Variants in RSRC1 observed in about 807,000 individuals in gnomAD.
RSRC1 encodes the protein arginine and serine rich coiled-coil 1, also known as serine/Arginine-related protein 53.
Under a neutral mutation model 49.1 loss-of-function variants are expected in RSRC1, and 39 were observed. That is an observed-to-expected ratio of 0.79 (90% CI 0.61 to 1.04). The LOEUF (loss-of-function observed/expected upper bound fraction) is 1.04. Among genes scored for constraint, RSRC1 ranks in the 50% least tolerant of loss-of-function variants. The pLI is 0.00. For synonymous variants in RSRC1, 143 were observed against 130.8 expected (o/e 1.09, Z -0.63); for missense variants, 388 against 402.4 (o/e 0.96, Z 0.31).
chr3:158,375,793 A>G (rs971769641), intron 6 of RSRC1, among the ~76,000 whole-genome samples: 1 of 152,208 alleles, frequency 6.6e-6, no homozygotes, highest in Non-Finnish European at 1.5e-5. Context: ...AAATAATTTT[A>G]TGGCATTTAA....
chr3:158,358,671 A>G (rs188919042), intron 6 of RSRC1, among the ~76,000 whole-genome samples: 1 of 152,152 alleles, frequency 6.6e-6, no homozygotes, highest in Non-Finnish European at 1.5e-5. Context: ...GTACATTCAC[A>G]GTTTTGTACA....
chr3:158,245,393 T>C (rs1270348511), intron 4 of RSRC1, among the ~76,000 whole-genome samples: 5 of 152,132 alleles, frequency 3.3e-5, no homozygotes, highest in African/African-American at 9.7e-5. Flanking sequence ...GAGACTGTTA[T>C]GATTTCAGTT....
intron 4 of RSRC1, among the ~76,000 whole-genome samples, chr3:158,289,620 C>A (rs556991817): frequency 1.3e-5 from 2 of 152,162 alleles, no homozygotes; most frequent in East Asian, 3.9e-4. Context: ...ACTATAGTAA[C>A]ATAAGAATAT....
rs2107977699 is a variant in RSRC1, at chr3:158,234,727, A to T, written c.494+31482A>T. 2.0e-5 allele frequency among the ~76,000 whole-genome samples: 3 copies of T among 152,238 alleles called. No individual in the cohort carries two copies. The South Asian group carries it at 6.2e-4, about 32-fold the overall frequency. On this transcript the variant is annotated intron_variant, in intron 4 of 9. Transcript: ENST00000611884. ...CACTTAAATATTTTGGTCTTTGTATATATTCTTCGAACTGAAATAATCATG... is the reference window on the plus strand; with the variant it reads ...CACTTAAATATTTTGGTCTTTGTATTTATTCTTCGAACTGAAATAATCATG...
chr3:158,348,309 A>G (rs867736718), intron 5 of RSRC1, among the ~76,000 whole-genome samples: 1 of 152,224 alleles, frequency 6.6e-6, no homozygotes, highest in Non-Finnish European at 1.5e-5. Context: ...ATAGTTTAGT[A>G]TGTAAACTAG....
At chr3:158,283,153 G>A (rs995176507) in intron 4 of RSRC1, among the ~76,000 whole-genome samples, 1 of 152,104 alleles carries the variant, frequency 6.6e-6, no homozygotes, top group Non-Finnish European at 1.5e-5. Context: ...GAAAAAAAAT[G>A]TAGACAAGGT....
At chr3:158,122,826 G>A (rs765607917) in intron 2 of RSRC1, among the ~76,000 whole-genome samples, 3 of 151,914 alleles carry the variant, frequency 2.0e-5, no homozygotes, top group African/African-American at 4.8e-5. Flanking sequence ...GAGAACATGC[G>A]GTGTTTGGTT....
chr3:158,407,835 A>G (rs1734233615), intron 6 of RSRC1, among the ~76,000 whole-genome samples: 1 of 152,158 alleles, frequency 6.6e-6, no homozygotes, highest in South Asian at 2.1e-4. Flanking sequence ...ATCCTAAAGT[A>G]ATTCTTTTCT....
intron 3 of RSRC1, among the ~76,000 whole-genome samples, chr3:158,169,039 C>T (rs1376389265): frequency 1.3e-5 from 2 of 152,044 alleles, no homozygotes; most frequent in Non-Finnish European, 2.9e-5. Flanking sequence ...GACTTCCTTC[C>T]CTAAGAGTTA....
At chr3:158,501,651 C>G (rs1739604197) in intron 7 of RSRC1, among the ~76,000 whole-genome samples, 2 of 152,006 alleles carry the variant, frequency 1.3e-5, no homozygotes, top group Admixed American at 1.3e-4. Flanking sequence ...TTTCTTTTGT[C>G]TGATATAAGA....
chr3:158,228,914 AT>A lies in RSRC1; in HGVS notation c.494+25670del, dbSNP rs377186885. On this transcript the variant is annotated intron_variant, in intron 4 of 9. Coordinates refer to ENST00000611884, the MANE Select transcript of RSRC1 (RefSeq NM_001271838.2). Reference sequence around the variant, plus strand: ...TGTGTATATAAACACACATACGTGTATATGTGTGTATAAACACACATACGTG... The same window carrying A: ...TGTGTATATAAACACACATACGTGTAATGTGTGTATAAACACACATACGTG... 5.4e-4 allele frequency among the ~76,000 whole-genome samples: 36 copies of A among 67,076 alleles called. 6 individuals carry two copies. The highest frequency in any genetic ancestry group is 1.4e-3 in the African/African-American group (25 of 18,194). The allele number at this position is 67,076 out of a possible 152,430, so 44.0% of individuals were successfully genotyped here. A position where few individuals can be genotyped will look rare whatever the true frequency, so the allele number is the denominator to read the frequency against.
intron 6 of RSRC1, among the ~76,000 whole-genome samples, chr3:158,430,940 T>C (rs912851805): frequency 3.3e-5 from 5 of 151,952 alleles, no homozygotes; most frequent in Admixed American, 3.3e-4. Flanking sequence ...TATAGTCAAG[T>C]AAGTTTGAGA....
intron 5 of RSRC1, among the ~76,000 whole-genome samples, chr3:158,354,245 TC>T (rs894905723): frequency 6.6e-6 from 1 of 152,154 alleles, no homozygotes; most frequent in African/African-American, 2.4e-5. Flanking sequence ...CGCCTCGGCC[TC>T]CCAAAGTGCT....
chr3:158,203,465 A>G (rs1392088485), intron 4 of RSRC1, among the ~76,000 whole-genome samples: 3 of 152,176 alleles, frequency 2.0e-5, no homozygotes, highest in Non-Finnish European at 4.4e-5. Flanking sequence ...ATTTTTATTT[A>G]ATAATAATAT....
chr3:158,471,704 G>A (rs1309580866), intron 7 of RSRC1, among the ~76,000 whole-genome samples: 2 of 152,086 alleles, frequency 1.3e-5, no homozygotes, highest in African/African-American at 4.8e-5. Context: ...ATACAAGTTG[G>A]GATGACTCAG....
At chr3:158,121,467 A>G (rs1715255398) in intron 1 of RSRC1, among the ~76,000 whole-genome samples, 1 of 152,182 alleles carries the variant, frequency 6.6e-6, no homozygotes, top group Non-Finnish European at 1.5e-5. Flanking sequence ...TGATTTCTCA[A>G]TAACCTCATC....
chr3:158,482,591 A>C (rs761189329), intron 7 of RSRC1, among the ~76,000 whole-genome samples: 3 of 152,006 alleles, frequency 2.0e-5, no homozygotes, highest in Non-Finnish European at 4.4e-5. Flanking sequence ...CCTTTGTTTT[A>C]TTTGTAATCT....
At position 158,153,230 on chromosome 3, in the gene RSRC1, A is replaced by G. The variant is rs78521856; in HGVS notation, c.320+29239A>G. 7.6e-3 allele frequency among the ~76,000 whole-genome samples: 1,159 copies of G among 152,296 alleles called. 6 individuals are homozygous for G. Among genetic ancestry groups the G allele is most frequent in the African/African-American group, 0.026 (1,100 of 41,568 alleles). On this transcript the variant is annotated intron_variant, in intron 3 of 9. Transcript: ENST00000611884. The stretch of plus-strand genomic sequence containing the variant: ...TGTCAGTTACTTAAGTGCCTCTTCT[A>G]GAGATTCTCTTAACCATCAAAGTGA...
intron 7 of RSRC1, among the ~76,000 whole-genome samples, chr3:158,498,784 A>G (rs927144672): frequency 2.0e-5 from 3 of 152,108 alleles, no homozygotes; most frequent in Admixed American, 1.3e-4. Flanking sequence ...ATTCTCCTAC[A>G]TGTGGCTAGC....
Sources: allele counts gnomAD v4.1 joint callset (sites outside exome capture counted in the v4.1 genomes callset), GRCh38; gene constraint gnomAD v4.1.1; transcripts MANE v1.5; gene names NCBI Gene and HGNC (gene_info 2026-07-23, HGNC 2026-07-21).